Variants in NAV2 observed in about 807,000 individuals in gnomAD.
NAV2 encodes neuron navigator 2.
NAV2 carries 54 observed loss-of-function variants against 223.2 expected under a neutral mutation model. The ratio of observed to expected loss-of-function variants is 0.24; its 90% CI spans 0.19 to 0.30. The LOEUF is 0.30. NAV2 is among the 10% of genes least tolerant of loss of function. NAV2 has a pLI of 1.00. For synonymous variants in NAV2, 1,279 were observed against 1,239.3 expected, an observed-to-expected ratio of 1.03 and a Z score of -0.67; for missense variants, 2,806 against 3,147.5, an observed-to-expected ratio of 0.89 and a Z score of 2.60.
In NAV2 at chr11:19,892,583, G is replaced by A; in HGVS notation, c.920G>A (p.Ser307Asn). The A allele has an allele frequency of 6.2e-7, 1 of 1,613,656 alleles. No homozygotes were observed. The highest frequency in any genetic ancestry group is 8.5e-7 in the Non-Finnish European group (1 of 1,179,836). Reference protein sequence around the residue: ...PVTSPPPPPSSHEKEPLASSA... With the variant: ...PVTSPPPPPSNHEKEPLASSA... ...ACCTCCCCACCCCCACCGCCAAGCA[G>A]CCACGAGAAAGGTGAGTCACCTTCT... is the stretch of plus-strand genomic sequence containing the variant. The change falls in exon 6 of 38, where the codon AGC (serine) becomes AAC (asparagine). Residue 307 changes from serine (S) to asparagine (N), a missense_variant. By Grantham distance (46) the Ser-to-Asn change is conservative. Coordinates refer to ENST00000349880, the MANE Select transcript of NAV2 (RefSeq NM_145117.5).
intron 1 of NAV2, among the ~76,000 whole-genome samples, chr11:19,786,051 A>G (rs2057091870): frequency 6.6e-6 from 1 of 152,192 alleles, no homozygotes; most frequent in Admixed American, 6.5e-5. Flanking sequence ...TCAAAAAAGA[A>G]AAAAAGGGCA....
At chr11:19,487,405 G>A (rs11025153) in intron 1 of NAV2, among the ~76,000 whole-genome samples, 62,709 of 151,972 alleles carry the variant, frequency 0.41, 13,413 homozygotes, top group East Asian at 0.54. Flanking sequence ...TTCACCCCTC[G>A]GGTAATCCTC....
chr11:19,476,332 T>C (rs894704717), intron 1 of NAV2, among the ~76,000 whole-genome samples: 15 of 152,302 alleles, frequency 9.8e-5, no homozygotes, highest in Admixed American at 9.2e-4. Context: ...CCCAACATTA[T>C]TAAGATGTAA....
intron 1 of NAV2, among the ~76,000 whole-genome samples, chr11:19,664,923 T>G (rs1406396785): frequency 6.6e-6 from 1 of 152,224 alleles, no homozygotes; most frequent in East Asian, 1.9e-4. Context: ...TATATCTGCT[T>G]CACAGAGGAA....
chr11:19,615,896 T>A (rs7117486), intron 1 of NAV2, among the ~76,000 whole-genome samples: 2,060 of 152,264 alleles, frequency 0.014, 49 homozygotes, highest in African/African-American at 0.047. Context: ...ATCAGCTCCG[T>A]CTGAGTCCAC....
At chr11:19,601,738 T>A (rs1196190656) in intron 1 of NAV2, among the ~76,000 whole-genome samples, 1 of 152,084 alleles carries the variant, frequency 6.6e-6, no homozygotes, top group Non-Finnish European at 1.5e-5. Context: ...TGCGATGGGG[T>A]CAGAGATGAA....
chr11:20,101,024 A>G lies in NAV2; in HGVS notation c.6269A>G (p.Glu2090Gly), dbSNP rs2061600698. The G allele has an allele frequency of 6.2e-7, 1 of 1,614,080 alleles. No homozygotes were observed. The highest frequency in any genetic ancestry group is 8.5e-7 in the Non-Finnish European group (1 of 1,180,012). Residue 2090 changes from glutamate to glycine, a missense_variant, in exon 32 of 38, where the codon GAG (glutamate) becomes GGG (glycine). By Grantham distance (98) the Glu-to-Gly change is moderately conservative. Around this residue, in one of 4 missense-constraint regions of NAV2, gnomAD observed 824 missense variants for 1,069.4 expected, o/e 0.77. Coordinates refer to ENST00000349880, the MANE Select transcript of NAV2 (RefSeq NM_145117.5). ...ILQRYVSLLI[E>G]HRRIILSGPS... Reference sequence around the variant, plus strand: ...CAGCGCTACGTCTCCCTCCTGATAGAGCACCGTCGGATCATTCTCTCTGGC... The same window carrying G: ...CAGCGCTACGTCTCCCTCCTGATAGGGCACCGTCGGATCATTCTCTCTGGC...
chr11:19,427,784 G>A (rs866303758), intron 1 of NAV2, among the ~76,000 whole-genome samples: 14 of 152,088 alleles, frequency 9.2e-5, no homozygotes, highest in South Asian at 2.1e-4. Context: ...AATATCTTCC[G>A]TACTCAAAAG....
intron 6 of NAV2, among the ~76,000 whole-genome samples, chr11:19,930,052 G>GT: frequency 6.6e-6 from 1 of 152,324 alleles, no homozygotes; most frequent in East Asian, 1.9e-4. Context: ...CCCTGAGACA[G>GT]TGAGTTCTAG....
At chr11:19,812,394 G>A (rs1193388587) in intron 1 of NAV2, among the ~76,000 whole-genome samples, 1 of 151,930 alleles carries the variant, frequency 6.6e-6, no homozygotes, top group Admixed American at 6.6e-5. Context: ...CATCTTCATA[G>A]CATTTATTAT....
At chr11:19,479,913 G>C (rs1590292270) in intron 1 of NAV2, among the ~76,000 whole-genome samples, 1 of 152,342 alleles carries the variant, frequency 6.6e-6, no homozygotes, top group African/African-American at 2.4e-5. Flanking sequence ...GAGGGCTCAT[G>C]CTGTAGGGCA....
intron 1 of NAV2, among the ~76,000 whole-genome samples, chr11:19,730,382 G>A (rs1039015494): frequency 6.6e-6 from 1 of 152,184 alleles, no homozygotes; most frequent in Non-Finnish European, 1.5e-5. Flanking sequence ...CACCCTGGAG[G>A]GGGAGGAAAA....
At chr11:19,928,663 G>A (rs867739366) in intron 6 of NAV2, among the ~76,000 whole-genome samples, 9 of 152,098 alleles carry the variant, frequency 5.9e-5, no homozygotes, top group South Asian at 4.1e-4. Flanking sequence ...TGACCCAGCC[G>A]GTTTTCTCCA....
intron 2 of NAV2, among the ~76,000 whole-genome samples, chr11:19,833,732 G>T (rs543874785): frequency 6.6e-6 from 1 of 152,296 alleles, no homozygotes; most frequent in South Asian, 2.1e-4. Flanking sequence ...CTGTTGCCCA[G>T]GGTTGCATTC....
chr11:19,929,329 G>C (rs1033219528), intron 6 of NAV2, among the ~76,000 whole-genome samples: 2 of 152,256 alleles, frequency 1.3e-5, no homozygotes, highest in East Asian at 3.9e-4. Flanking sequence ...GAGATCACTG[G>C]TATGATATCC....
chr11:19,894,622 T>A (rs1449637136), intron 6 of NAV2, among the ~76,000 whole-genome samples: 1 of 152,214 alleles, frequency 6.6e-6, no homozygotes, highest in African/African-American at 2.4e-5. Context: ...ATATCTGCTC[T>A]GAGCAGCCTG....
At chr11:19,835,450 G>C (rs2060177452) in intron 2 of NAV2, among the ~76,000 whole-genome samples, 1 of 152,166 alleles carries the variant, frequency 6.6e-6, no homozygotes, top group African/African-American at 2.4e-5. Context: ...GGCATCTCCT[G>C]TGTGACTTCT....
At chr11:19,552,949 G>A (rs760472077) in intron 1 of NAV2, among the ~76,000 whole-genome samples, 1 of 152,150 alleles carries the variant, frequency 6.6e-6, no homozygotes, top group Non-Finnish European at 1.5e-5. Flanking sequence ...TCTCAAGGCA[G>A]GGAAAGGAAC....
chr11:19,422,725 A>T (rs1003666723), intron 1 of NAV2, among the ~76,000 whole-genome samples: 7 of 152,232 alleles, frequency 4.6e-5, no homozygotes. Flanking sequence ...AATTACCCAG[A>T]TAGTTACAGT....
Sources: allele counts gnomAD v4.1 joint callset (sites outside exome capture counted in the v4.1 genomes callset), GRCh38; gene constraint gnomAD v4.1.1; regional missense constraint gnomAD v4.1.1; transcripts MANE v1.5; gene names NCBI Gene and HGNC (gene_info 2026-07-23, HGNC 2026-07-21).